The following SAMD4A variants were observed in gnomAD, a reference collection of about 807,000 sequenced individuals.
The protein encoded by SAMD4A is protein Smaug homolog 1.
SAMD4A carries 33 observed loss-of-function variants against 81.3 expected under a neutral mutation model. The ratio of observed to expected loss-of-function variants is 0.41; its 90% confidence interval spans 0.31 to 0.54. The LOEUF is 0.54. SAMD4A is among the 20% of genes least tolerant of loss of function. The probability of loss-of-function intolerance (pLI) is 0.37; values close to 1 mark genes in which losing one functional copy is unlikely to be tolerated. For missense variants in SAMD4A, 854 were observed against 951.1 expected, an observed-to-expected ratio of 0.90 and a Z score of 1.34; for synonymous variants, 389 against 382.1, an observed-to-expected ratio of 1.02 and a Z score of -0.21.
At chr14:54,693,692 CTG>C (rs2036508867) in intron 2 of SAMD4A, 1 of 152,134 alleles carries the variant, frequency 6.6e-6, no homozygotes. Flanking sequence ...CAAAAAAAAA[CTG>C]TAATTAAGAA....
Position 54,760,313 on chromosome 14 carries a change from C to T in SAMD4A, c.1329C>T (p.Pro443=), listed in dbSNP as rs778819266. The T allele has an allele frequency of 4.6e-5, 74 of 1,607,812 alleles. No homozygotes were observed. The highest frequency in any genetic ancestry group is 9.4e-5 in the African/African-American group (7 of 74,576). Residue 443 remains proline, a synonymous_variant, in exon 7 of 13, where the codon CCC becomes CCT. Coordinates refer to ENST00000554335, the MANE Select transcript of SAMD4A (RefSeq NM_015589.6). ...CGCGTCAGCCCTCACTGATGGGCCC[C>T]GAGAGCCAGAGCCCCGACTGCAAAG... ...QAPRQPSLMG[P]ESQSPDCKDG...
intron 2 of SAMD4A, among the ~76,000 whole-genome samples, chr14:54,621,943 T>C (rs992246422): frequency 6.6e-6 from 1 of 152,188 alleles, no homozygotes; most frequent in Non-Finnish European, 1.5e-5. Flanking sequence ...TCATTGTGTA[T>C]TGTATTTTGT....
chr14:54,719,002 C>CA (rs796869797), intron 3 of SAMD4A, among the ~76,000 whole-genome samples: 2,801 of 125,242 alleles, frequency 0.022, 76 homozygotes, highest in East Asian at 0.16. Context: ...AACTCCATCT[C>CA]AAAAAAAAAA....
intron 4 of SAMD4A, among the ~76,000 whole-genome samples, chr14:54,745,991 A>G (rs914660548): frequency 6.6e-6 from 1 of 152,222 alleles, no homozygotes; most frequent in Non-Finnish European, 1.5e-5. Flanking sequence ...CATTTGGACC[A>G]TGGGAAAGGA....
intron 2 of SAMD4A, among the ~76,000 whole-genome samples, chr14:54,653,094 T>A (rs1594774349): frequency 6.6e-6 from 1 of 152,070 alleles, no homozygotes; most frequent in Admixed American, 6.6e-5. Flanking sequence ...TTGCTTTTTC[T>A]ACATTTCTTT....
chr14:54,767,016 G>C (rs532659390), intron 8 of SAMD4A, among the ~76,000 whole-genome samples: 1 of 152,338 alleles, frequency 6.6e-6, no homozygotes, highest in South Asian at 2.1e-4. Flanking sequence ...TCGTGGCTGG[G>C]GGCCCCGGTC....
At chr14:54,757,462 A>G (rs925607878) in intron 6 of SAMD4A, among the ~76,000 whole-genome samples, 1 of 150,946 alleles carries the variant, frequency 6.6e-6, no homozygotes, top group Non-Finnish European at 1.5e-5. Context: ...GTTGCCTCCA[A>G]TAGAAGAATC....
rs1160445039 is a variant in SAMD4A at position 54,792,143 on chromosome 14, T to TA, written c.*3200dup. 1.3e-5 allele frequency: 2 copies of TA among 152,212 alleles called. No individual in the cohort carries two copies. The highest frequency in any genetic ancestry group is 2.9e-5 in the Non-Finnish European group (2 of 68,036). The allele number at this position is 152,212 out of a possible 1,614,324, so 9.4% of individuals were successfully genotyped here. The stretch of plus-strand genomic sequence containing the variant: ...ACAAGACATGAAACATTGCTGCTGA[T>TA]ATGTTGTTTTTTCACATGCTTTTGA... On this transcript the variant is annotated 3_prime_UTR_variant, in exon 13 of 13. Coordinates refer to ENST00000554335, the MANE Select transcript of SAMD4A (RefSeq NM_015589.6).
chr14:54,584,594 A>G (rs981520411), intron 2 of SAMD4A, among the ~76,000 whole-genome samples: 24 of 152,330 alleles, frequency 1.6e-4, no homozygotes, highest in African/African-American at 5.3e-4. Flanking sequence ...AAACTAGACA[A>G]TTATGTTTGG....
chr14:54,581,745 A>G (rs2033475615), intron 2 of SAMD4A, among the ~76,000 whole-genome samples: 1 of 152,218 alleles, frequency 6.6e-6, no homozygotes, highest in Non-Finnish European at 1.5e-5. Flanking sequence ...TTATTTAAAA[A>G]TTTCTGATAA....
intron 3 of SAMD4A, among the ~76,000 whole-genome samples, chr14:54,726,987 A>G (rs558914850): frequency 1.8e-4 from 27 of 152,196 alleles, no homozygotes; most frequent in Middle Eastern, 3.4e-3. Context: ...GAGAAAATAC[A>G]GGGCTAGGTT....
At chr14:54,660,230 T>C (rs1353101762) in intron 2 of SAMD4A, among the ~76,000 whole-genome samples, 2 of 152,204 alleles carry the variant, frequency 1.3e-5, no homozygotes, top group East Asian at 3.8e-4. Context: ...TTCATCCTCA[T>C]AGGAACATGG....
At chr14:54,640,540 G>T (rs2140379251) in intron 2 of SAMD4A, among the ~76,000 whole-genome samples, 1 of 152,312 alleles carries the variant, frequency 6.6e-6, no homozygotes, top group African/African-American at 2.4e-5. Context: ...TTCGATTCTG[G>T]AGAAGCCGGC....
intron 3 of SAMD4A, among the ~76,000 whole-genome samples, chr14:54,724,815 C>G (rs2037372228): frequency 6.6e-6 from 1 of 152,154 alleles, no homozygotes; most frequent in African/African-American, 2.4e-5. Context: ...GGCTTCTTTA[C>G]CCTGACACCC....
chr14:54,623,624 T>TTGGGGAGAG lies in SAMD4A; in HGVS notation c.196+55519_196+55520insAGTGGGGAG, dbSNP rs1425873772. The stretch of plus-strand genomic sequence containing the variant: ...ATAAAGAAGCCAAGGTAGGGATCAG[T>TTGGGGAGAG]TGGGGAGGGTGGGGACAAGGATATG... On this transcript the variant is annotated intron_variant, in intron 2 of 12. Transcript: ENST00000554335. 8.2e-5 allele frequency among the ~76,000 whole-genome samples: 4 copies of TTGGGGAGAG among 48,734 alleles called. No homozygotes were observed. In the East Asian group the frequency reaches 4.9e-3, roughly 59 times the overall value. 32.0% of individuals were successfully genotyped at this position (48,734 alleles called of 152,430 possible).
At chr14:54,612,725 G>C (rs752846867) in intron 2 of SAMD4A, among the ~76,000 whole-genome samples, 2 of 152,062 alleles carry the variant, frequency 1.3e-5, no homozygotes, top group East Asian at 3.8e-4. Context: ...ATCCATCTGC[G>C]TGCTAGGATT....
At chr14:54,767,203 G>A (rs1270214386) in intron 8 of SAMD4A, among the ~76,000 whole-genome samples, 1 of 152,202 alleles carries the variant, frequency 6.6e-6, no homozygotes, top group South Asian at 2.1e-4. Flanking sequence ...GGTAGAACAC[G>A]CCCTGCCTGT....
chr14:54,667,245 G>T (rs1250540665), intron 2 of SAMD4A, among the ~76,000 whole-genome samples: 1 of 152,154 alleles, frequency 6.6e-6, no homozygotes. Flanking sequence ...GTTAGCTCAG[G>T]GTTCAGCTGT....
At chr14:54,589,343 G>A (rs940650058) in intron 2 of SAMD4A, among the ~76,000 whole-genome samples, 1 of 152,138 alleles carries the variant, frequency 6.6e-6, no homozygotes, top group Non-Finnish European at 1.5e-5. Context: ...GGGTCAAAAA[G>A]CCTCATGTTT....
Sources: allele counts gnomAD v4.1 joint callset (sites outside exome capture counted in the v4.1 genomes callset), GRCh38; gene constraint gnomAD v4.1.1; transcripts MANE v1.5; gene names NCBI Gene and HGNC (gene_info 2026-07-23, HGNC 2026-07-21).